The following TIAM2 variants were observed in gnomAD, a reference collection of about 807,000 sequenced individuals.
The protein encoded by TIAM2 is TIAM Rac1 associated GEF 2.
Under a neutral mutation model 152.9 loss-of-function variants are expected in TIAM2, and 80 were observed. The observed-to-expected ratio is 0.52, with a 90% CI of 0.44 to 0.63. The LOEUF is 0.63. Ranked by LOEUF, TIAM2 falls within the 30% of genes least tolerant of loss-of-function variation. The pLI, the probability that TIAM2 is intolerant of heterozygous loss-of-function variation, is 0.00. For synonymous variants in TIAM2, 804 were observed against 838.0 expected (o/e 0.96, Z 0.70); for missense variants, 1,965 against 2,120.1 (o/e 0.93, Z 1.44).
chr6:155,055,531 GT>G (rs1777426291), intron 1 of TIAM2, among the ~76,000 whole-genome samples: 1 of 152,146 alleles, frequency 6.6e-6, no homozygotes, highest in South Asian at 2.1e-4. Flanking sequence ...ATGACTTTTG[GT>G]TTCGTACGTG....
intron 2 of TIAM2, among the ~76,000 whole-genome samples, chr6:155,107,546 A>G (rs1778725413): frequency 6.6e-6 from 1 of 152,242 alleles, no homozygotes; most frequent in African/African-American, 2.4e-5. Context: ...TTCAGAGTAG[A>G]AAGGGAAATT....
intron 1 of TIAM2, among the ~76,000 whole-genome samples, chr6:155,039,754 A>G (rs779042328): frequency 4.6e-5 from 7 of 152,140 alleles, no homozygotes; most frequent in Admixed American, 1.3e-4. Flanking sequence ...TCATGAGTTT[A>G]ATGTAACTTG....
At chr6:155,198,810 G>T (rs1781412672) in intron 14 of TIAM2, among the ~76,000 whole-genome samples, 1 of 152,158 alleles carries the variant, frequency 6.6e-6, no homozygotes, top group African/African-American at 2.4e-5. Context: ...GCAAGGGAAT[G>T]GTGCCGAGAC....
At chr6:155,144,512 A>G in intron 5 of TIAM2, 94 bp from the exon 6 acceptor site, 1 of 1,216,676 alleles carries the variant, frequency 8.2e-7, no homozygotes. Context: ...TGTCTCACTC[A>G]GGTGTTTTTA....
chr6:155,238,969 G>C lies in TIAM2; in HGVS notation c.3169-1561G>C, dbSNP rs1782900484. On this transcript the variant is annotated intron_variant, in intron 15 of 26. Coordinates refer to ENST00000682666, the MANE Select transcript of TIAM2 (RefSeq NM_012454.4). ...GACAACACTGTGTTGGTGGGGGTTG[G>C]GGCATAGAACAGAGAGGGCAGTTGA... Among the ~76,000 whole-genome samples the C allele has an allele frequency of 2.0e-5, 3 of 152,150 alleles. No homozygotes were observed. The South Asian group carries it at 6.2e-4, about 32-fold the overall frequency.
Position 155,156,156 on chromosome 6 carries a change from A to C in TIAM2, c.2028+7822A>C, listed in dbSNP as rs867164583. On this transcript the variant is annotated intron_variant, in intron 7 of 26. Coordinates refer to ENST00000682666, the MANE Select transcript of TIAM2 (RefSeq NM_012454.4). This position sits in a 1 kb window ranked among gnomAD's most constrained non-coding sequence, Gnocchi z 4.4. The stretch of plus-strand genomic sequence containing the variant: ...CCAAGTTGCTTCTTGAAAAATGAGG[A>C]GTTTACCGGGAGAATAGAGAGGGGT... Among the ~76,000 whole-genome samples, 3 of 152,054 alleles carry C rather than the reference A, an allele frequency of 2.0e-5. No homozygotes were observed. Among genetic ancestry groups the C allele is most frequent in the Admixed American group, 2.0e-4 (3 of 15,262 alleles).
At chr6:155,047,692 AGAGAGAGAGAGAGC>A (rs748878712) in intron 1 of TIAM2, among the ~76,000 whole-genome samples, 36 of 5,386 alleles carry the variant, frequency 6.7e-3, no homozygotes, top group Middle Eastern at 0.1. Flanking sequence ...GAGAGAGGAG[AGAGAGAGAGAGAGC>A]GAGAGAGAGA....
At chr6:155,074,433 C>T (rs1777907941) in intron 1 of TIAM2, among the ~76,000 whole-genome samples, 1 of 152,048 alleles carries the variant, frequency 6.6e-6, no homozygotes, top group Non-Finnish European at 1.5e-5. Context: ...CTGCAACCTC[C>T]ACCTCCCAGG....
intron 1 of TIAM2, among the ~76,000 whole-genome samples, chr6:155,063,814 G>A (rs76447792): frequency 2.0e-5 from 3 of 146,870 alleles, no homozygotes; most frequent in African/African-American, 7.6e-5. Context: ...TTATGGAACT[G>A]TTAAGACTTG....
At chr6:155,166,167 C>T (rs948476207) in intron 9 of TIAM2, among the ~76,000 whole-genome samples, 2 of 152,074 alleles carry the variant, frequency 1.3e-5, no homozygotes, top group South Asian at 2.1e-4. Flanking sequence ...GAAGAGGTTA[C>T]GTCACTTACC....
intron 5 of TIAM2, 48 bp downstream of exon 5, chr6:155,137,660 G>C: frequency 1.3e-6 from 2 of 1,507,750 alleles, no homozygotes; most frequent in Non-Finnish European, 1.8e-6. Context: ...GTTTCCGCCA[G>C]CCGTGCTCTT....
At chr6:155,234,101 T>C (rs949458379) in intron 15 of TIAM2, among the ~76,000 whole-genome samples, 1 of 151,868 alleles carries the variant, frequency 6.6e-6, no homozygotes, top group Non-Finnish European at 1.5e-5. Context: ...TTAAAGAAAA[T>C]ATTGGTTTCA....
At chr6:155,240,918 CTTGGCTTA>C (rs1783000509) in intron 16 of TIAM2, among the ~76,000 whole-genome samples, 1 of 152,174 alleles carries the variant, frequency 6.6e-6, no homozygotes, top group Admixed American at 6.5e-5. Context: ...AAATTAGATC[CTTGGCTTA>C]TTTTGTTACC....
chr6:155,227,022 G>C (rs137903838), intron 15 of TIAM2, among the ~76,000 whole-genome samples: 6 of 152,338 alleles, frequency 3.9e-5, no homozygotes, highest in African/African-American at 1.4e-4. Context: ...ATAAGAAACA[G>C]GAGAGTTAAC....
rs746209746 is a variant in TIAM2 at position 155,176,872 on chromosome 6, T to G, written c.2418T>G (p.Asn806Lys). ...CAGTAGACGGTGTTCCCCGAGACAA[T>G]GCATGGGAAATCCAGACTTATGTCC... Reference protein sequence around the residue: ...GSTVDGVPRDNAWEIQTYVHF... With the variant: ...GSTVDGVPRDKAWEIQTYVHF... Residue 806 changes from asparagine (N) to lysine (K), a missense_variant, in exon 10 of 27, where the codon AAT (asparagine) becomes AAG (lysine). Asn to Lys is a moderately conservative substitution (Grantham distance 94). This residue lies in a region of TIAM2 where 1,025 missense variants were observed against 1,119.4 expected (regional missense o/e 0.92). Transcript: ENST00000682666. The G allele has an allele frequency of 6.2e-7, 1 of 1,614,028 alleles. No individual in the cohort carries two copies. The highest frequency in any genetic ancestry group is 1.1e-5 in the South Asian group (1 of 91,074).
chr6:155,050,920 G>A (rs1230410919), intron 1 of TIAM2, among the ~76,000 whole-genome samples: 5 of 152,130 alleles, frequency 3.3e-5, no homozygotes, highest in African/African-American at 1.2e-4. Context: ...TTATTCATTG[G>A]CCTATCTAAT....
chr6:155,175,852 A>T (rs1323727142), intron 9 of TIAM2, among the ~76,000 whole-genome samples: 1 of 152,212 alleles, frequency 6.6e-6, no homozygotes, highest in Non-Finnish European at 1.5e-5. Flanking sequence ...AGGCTTCCTG[A>T]AGGTGGTATT....
Position 155,197,118 on chromosome 6 carries a change from A to G in TIAM2, c.3064+13618A>G, listed in dbSNP as rs561382459. Among the ~76,000 whole-genome samples the G allele has an allele frequency of 4.6e-5, 7 of 152,382 alleles. No homozygotes were observed. In the East Asian group the frequency reaches 9.6e-4, roughly 21 times the overall value. ...GAGTGGCAGGATGCCCCCTCCTTCC[A>G]GAAGTCTCCCAGTGGGCTTGTGCCA... On this transcript the variant is annotated intron_variant, in intron 14 of 26. Transcript: ENST00000682666.
chr6:155,106,748 G>A (rs1778699722), intron 2 of TIAM2, among the ~76,000 whole-genome samples: 1 of 152,186 alleles, frequency 6.6e-6, no homozygotes, highest in Non-Finnish European at 1.5e-5. Flanking sequence ...CTTGGGAGCC[G>A]TGTTCCTATG....
Sources: gnomAD v4.1 joint callset for allele counts (sites outside exome capture counted in the v4.1 genomes callset) on GRCh38, gnomAD v4.1.1 for gene constraint, gnomAD v4.1.1 regional missense constraint, Gnocchi (gnomAD v3.1) non-coding constraint, MANE v1.5 for transcripts, NCBI Gene and HGNC (gene_info 2026-07-23, HGNC 2026-07-21) for gene names.